Variants in PPFIA3 observed in about 807,000 individuals in gnomAD.
PPFIA3 encodes liprin-alpha-3.
Under a neutral mutation model 145.8 loss-of-function variants are expected in PPFIA3, and 26 were observed. The observed-to-expected ratio is 0.18, with a 90% CI of 0.13 to 0.25. The LOEUF is 0.25. Among genes scored for constraint, PPFIA3 ranks in the 10% least tolerant of loss-of-function variants. The probability of loss-of-function intolerance (pLI) is 1.00; values close to 1 mark genes in which losing one functional copy is unlikely to be tolerated. For missense variants in PPFIA3, 1,008 were observed against 1,587.8 expected, an observed-to-expected ratio of 0.63 and a Z score of 6.21; for synonymous variants, 645 against 661.4, an observed-to-expected ratio of 0.98 and a Z score of 0.38.
Position 49,140,629 on chromosome 19 carries a change from A to G in PPFIA3, c.2368+541A>G, listed in dbSNP as rs1600344475. Among the ~76,000 whole-genome samples, 3 of 109,686 alleles carry G rather than the reference A, an allele frequency of 2.7e-5. No individual in the cohort carries two copies. The South Asian group carries it at 9.0e-4, about 33-fold the overall frequency. The allele number at this position is 109,686 out of a possible 152,430, so 72.0% of individuals were successfully genotyped here. On this transcript the variant is annotated intron_variant, in intron 18 of 29. Coordinates refer to ENST00000334186, the MANE Select transcript of PPFIA3 (RefSeq NM_003660.4). ...GCCTCCCAAAGTGCTGGGATTACAG[A>G]CTCATTTACCTTTTTTTTTTTTTTT...
At position 49,133,445 on chromosome 19, in the gene PPFIA3, G is replaced by T. The variant is rs2041099401; in HGVS notation, c.1161+74G>T. ...CTAGAGGAGGCGGGGCCGTGAATCT[G>T]GAGGGGTAGGAGCGAGGTCAGAACC... On this transcript the variant is annotated intron_variant, in intron 9 of 29. Transcript: ENST00000334186. This position sits in a 1 kb window ranked among gnomAD's most constrained non-coding sequence, Gnocchi z 7.2. 1 of 1,462,850 alleles carries T rather than the reference G, an allele frequency of 6.8e-7. No individual in the cohort carries two copies. The allele number at this position is 1,462,850 out of a possible 1,614,324, so 90.6% of individuals were successfully genotyped here.
At chr19:49,143,222 T>C (rs2041244752) in intron 21 of PPFIA3, among the ~76,000 whole-genome samples, 1 of 152,146 alleles carries the variant, frequency 6.6e-6, no homozygotes, top group Admixed American at 6.5e-5. Flanking sequence ...CCTGACTCTC[T>C]CCCTCTCCTC....
chr19:49,134,969 C>T (rs1238341607), intron 13 of PPFIA3, 54 bp downstream of exon 13: 1 of 1,442,384 alleles, frequency 6.9e-7, no homozygotes, highest in Non-Finnish European at 9.3e-7. Flanking sequence ...TGGCCAAGCG[C>T]CAAGCTCCTC....
At chr19:49,126,267 G>T (rs1199038917) in intron 1 of PPFIA3, among the ~76,000 whole-genome samples, 4 of 140,698 alleles carry the variant, frequency 2.8e-5, no homozygotes, top group African/African-American at 7.9e-5. Flanking sequence ...TTTTTTTTTT[G>T]AAATGGAATC....
At chr19:49,127,093 A>T (rs940571322) in intron 1 of PPFIA3, among the ~76,000 whole-genome samples, 1 of 151,200 alleles carries the variant, frequency 6.6e-6, no homozygotes, top group Admixed American at 6.6e-5. Context: ...AAAAAAAAAA[A>T]AAAAAAAAGG....
intron 22 of PPFIA3, 71 bp from the exon 23 acceptor site, chr19:49,146,095 C>T (rs1035488950): frequency 1.9e-6 from 3 of 1,608,562 alleles, no homozygotes; most frequent in Admixed American, 1.7e-5. Context: ...TCCCTAAGTC[C>T]GCTCCTTGCG....
At position 49,149,364 on chromosome 19, in the gene PPFIA3, G is replaced by A. The variant is rs751865972; in HGVS notation, c.3354+39G>A. 3.7e-6 allele frequency: 6 copies of A among 1,610,124 alleles called. No individual in the cohort carries two copies. The highest frequency in any genetic ancestry group is 1.7e-4 in the Middle Eastern group (1 of 5,814). Reference sequence around the variant, plus strand: ...CAGCTCAGAGGGCTCTGCTCCCAGCGGCTCCTCGAGAGGCTGAGCTGAGGG... The same window carrying A: ...CAGCTCAGAGGGCTCTGCTCCCAGCAGCTCCTCGAGAGGCTGAGCTGAGGG... On this transcript the variant is annotated intron_variant, in intron 27 of 29. Transcript: ENST00000334186. The surrounding 1 kb of genome is among the most constrained non-coding windows in gnomAD (Gnocchi z 5.7).
intron 1 of PPFIA3, among the ~76,000 whole-genome samples, chr19:49,124,344 C>T (rs1046612988): frequency 8.5e-5 from 13 of 152,130 alleles, no homozygotes; most frequent in African/African-American, 2.9e-4. Flanking sequence ...CAGGCATGAG[C>T]CACCGCGCCT....
At chr19:49,141,945 G>GTT (rs569445907) in intron 19 of PPFIA3, 89 bp from the exon 20 acceptor site, 1 of 911,590 alleles carries the variant, frequency 1.1e-6, no homozygotes, top group Non-Finnish European at 1.7e-6. Flanking sequence ...GCATGTGTGT[G>GTT]TGTGTGTATG....
chr19:49,140,183 A>G (rs2041201305), intron 18 of PPFIA3, 95 bp downstream of exon 18: 3 of 1,385,750 alleles, frequency 2.2e-6, no homozygotes, highest in East Asian at 4.8e-5. Flanking sequence ...ACATCCATTC[A>G]TGTCTTCATT....
At position 49,130,466 on chromosome 19, in the gene PPFIA3, T is replaced by G; in HGVS notation, c.746T>G (p.Val249Gly). The change falls in exon 7 of 30, where the codon GTG becomes GGG. Residue 249 changes from valine to glycine, a missense_variant. Transcript: ENST00000334186. This position sits in a 1 kb window ranked among gnomAD's most constrained non-coding sequence, Gnocchi z 4.5. Reference protein sequence around the residue: ...EEALERQRAEVCQLRERLAVL... With the variant: ...EEALERQRAEGCQLRERLAVL... ...GCCCTGGAGCGGCAGCGCGCCGAGG[T>G]GTGCCAGCTGCGGGAGCGCCTGGCG... is the stretch of plus-strand genomic sequence containing the variant. 1 of 1,607,982 alleles carries G rather than the reference T, an allele frequency of 6.2e-7. No individual in the cohort carries two copies. Among genetic ancestry groups the G allele is most frequent in the Non-Finnish European group, 8.5e-7 (1 of 1,177,920 alleles).
chr19:49,136,597 TA>T (rs1237140928), intron 14 of PPFIA3, 126 bp from the exon 15 acceptor site: 18 of 589,454 alleles, frequency 3.1e-5, no homozygotes, highest in Non-Finnish European at 3.8e-5. Flanking sequence ...ATAAATAAAA[TA>T]AAAAAAATAA....
intron 16 of PPFIA3, among the ~76,000 whole-genome samples, chr19:49,139,323 CAA>C (rs1223957489): frequency 1.5e-4 from 17 of 111,882 alleles, no homozygotes; most frequent in Admixed American, 2.8e-4. Flanking sequence ...GACTCTGTCT[CAA>C]AAAAAAAAAA....
chr19:49,143,060 C>T, intron 21 of PPFIA3, 56 bp downstream of exon 21: 3 of 1,568,874 alleles, frequency 1.9e-6, no homozygotes, highest in Non-Finnish European at 1.7e-6. Flanking sequence ...CGCCTCTTGC[C>T]CTCAGTCTAG....
chr19:49,133,387 G>A lies in PPFIA3; in HGVS notation c.1161+16G>A. On this transcript the variant is annotated intron_variant, in intron 9 of 29. Transcript: ENST00000334186. This position sits in a 1 kb window ranked among gnomAD's most constrained non-coding sequence, Gnocchi z 7.2. ...GCTCAACAAGGTGCGGGGAGGACTC[G>A]GGTCGGGGCCTTGCGTGGGGAAGGG... The A allele has an allele frequency of 6.3e-7, 1 of 1,584,178 alleles. No individual in the cohort carries two copies.
intron 20 of PPFIA3, among the ~76,000 whole-genome samples, chr19:49,142,591 C>T (rs1267565862): frequency 1.5e-5 from 2 of 133,792 alleles, no homozygotes; most frequent in South Asian, 3.0e-4. Context: ...GCCCCCCGCC[C>T]CCCGTTTCTC....
chr19:49,147,686 A>AAGAGAGAGAGAGAGAGAGAGAG, intron 23 of PPFIA3, among the ~76,000 whole-genome samples: 1 of 145,818 alleles, frequency 6.9e-6, no homozygotes, highest in South Asian at 2.2e-4. Flanking sequence ...CTCTTTCAGA[A>AAGAGAGAGAGAGAGAGAGAGAG]AGAGAGAGAG....
intron 21 of PPFIA3, among the ~76,000 whole-genome samples, chr19:49,144,491 A>G (rs2041258523): frequency 6.6e-6 from 1 of 151,972 alleles, no homozygotes; most frequent in Non-Finnish European, 1.5e-5. Flanking sequence ...TGGATGGCCG[A>G]TCTCTTGAAC....
intron 20 of PPFIA3, 101 bp downstream of exon 20, chr19:49,142,216 C>A: frequency 8.6e-7 from 1 of 1,162,014 alleles, no homozygotes; most frequent in Non-Finnish European, 1.2e-6. Flanking sequence ...TGCTTCTAGC[C>A]CAGAGGTGGG....
Sources: allele counts gnomAD v4.1 joint callset (sites outside exome capture counted in the v4.1 genomes callset), GRCh38; gene constraint gnomAD v4.1.1; non-coding constraint Gnocchi (gnomAD v3.1); transcripts MANE v1.5; gene names NCBI Gene and HGNC (gene_info 2026-07-23, HGNC 2026-07-21).